BRCA2: variants seen among roughly 807,000 people sequenced by gnomAD.
The protein encoded by BRCA2 is BRCA2 DNA repair associated, also known as breast cancer type 2 susceptibility protein.
A neutral mutation model predicts 276.7 loss-of-function variants in BRCA2; 203 were observed. The ratio of observed to expected loss-of-function variants is 0.73; its 90% CI spans 0.65 to 0.82. The LOEUF (loss-of-function observed/expected upper bound fraction) is 0.82. Ranked by LOEUF, BRCA2 falls within the 40% of genes least tolerant of loss-of-function variation. BRCA2 has a pLI of 0.00. For missense variants in BRCA2, 3,920 were observed against 3,915.0 expected (o/e 1.00, Z -0.03); for synonymous variants, 1,289 against 1,338.4 (o/e 0.96, Z 0.81).
At chr13:32,376,549 G>A in intron 20 of BRCA2, 121 bp from the exon 21 acceptor site, 1 of 1,084,068 alleles carries the variant, frequency 9.2e-7, no homozygotes, top group Middle Eastern at 2.8e-4. Context: ...AAAACTTTTA[G>A]CAGTTATATA....
rs9590940 is a variant in BRCA2 at position 32,370,530 on chromosome 13, A to C, written c.8460A>C (p.Val2820=). ...GAGGAAATGTTGGTTGTGTTGATGT[A>C]ATTATTCAAAGAGCATACCCTATAC... ...SDGGNVGCVD[V]IIQRAYPIQW... Residue 2820 remains valine, a synonymous_variant, in exon 19 of 27, where the codon GTA becomes GTC. Coordinates refer to ENST00000380152, the MANE Select transcript of BRCA2 (RefSeq NM_000059.4). 2.1e-3 allele frequency: 3,465 copies of C among 1,613,722 alleles called. 65 individuals are homozygous for C. The African/African-American group carries it at 0.042, about 19-fold the overall frequency.
At position 32,371,124 on chromosome 13, in the gene BRCA2, A is replaced by G. The variant is rs81002851; in HGVS notation, c.8632+24A>G. 1.1e-5 allele frequency: 18 copies of G among 1,607,850 alleles called. No homozygotes were observed. The highest frequency in any genetic ancestry group is 1.4e-5 in the Non-Finnish European group (17 of 1,174,848). On this transcript the variant is annotated intron_variant, in intron 20 of 26. Coordinates refer to ENST00000380152, the MANE Select transcript of BRCA2 (RefSeq NM_000059.4). ...AGGTAAAATTAGTTATATGGTACAC[A>G]TTGTTATTTCTAATATGAGAACAAA...
rs55969723 is a variant in BRCA2, at chr13:32,338,542, A to G, written c.4187A>G (p.Gln1396Arg). ...ACTTTTTTGGAAGTTGCGAAAGCTC[A>G]AGAAGCATGTCATGGTAATACTTCA... ...DLTFLEVAKA[Q>R]EACHGNTSNK... Residue 1396 changes from glutamine to arginine, a missense_variant, in exon 11 of 27, where the codon CAA (glutamine) becomes CGA (arginine). By Grantham distance (43) the Gln-to-Arg change is conservative. This residue lies in a region of BRCA2 where 3,263 missense variants were observed against 3,156.9 expected (regional missense o/e 1.03). Coordinates refer to ENST00000380152, the MANE Select transcript of BRCA2 (RefSeq NM_000059.4). 2.9e-4 allele frequency: 459 copies of G among 1,603,724 alleles called. 2 individuals carry two copies. In the African/African-American group the frequency reaches 5.7e-3, roughly 20 times the overall value.
rs2137485057 is a variant in BRCA2 at position 32,336,643 on chromosome 13, A to G, written c.2288A>G (p.His763Arg). The change falls in exon 11 of 27, where the codon CAT becomes CGT. Residue 763 changes from histidine (H) to arginine (R), a missense_variant. His to Arg is a conservative substitution (Grantham distance 29). Around this residue, in one of 2 missense-constraint regions of BRCA2, gnomAD observed 3,263 missense variants for 3,156.9 expected, o/e 1.03. Transcript: ENST00000380152. ...TCCCAGAAAAGTCTTTTATATGATC[A>G]TGAAAATGCCAGCACTCTTATTTTA... is the stretch of plus-strand genomic sequence containing the variant. ...FQSQKSLLYD[H>R]ENASTLILTP... 6.2e-7 allele frequency: 1 copy of G among 1,614,056 alleles called. No homozygotes were observed. Among genetic ancestry groups the G allele is most frequent in the Non-Finnish European group, 8.5e-7 (1 of 1,179,942 alleles).
At position 32,354,173 on chromosome 13, in the gene BRCA2, GTT is replaced by G. The variant is rs1215524954; in HGVS notation, c.7008-686_7008-685del. Among the ~76,000 whole-genome samples the G allele has an allele frequency of 2.6e-5, 4 of 152,112 alleles. No homozygotes were observed. The East Asian group carries it at 7.7e-4, about 29-fold the overall frequency. ...CTATTAGGAAAGTTGAGTAGAATGA[GTT>G]TGCGTGCATCCCACATGCATCTGGG... On this transcript the variant is annotated intron_variant, in intron 13 of 26. Transcript: ENST00000380152.
rs2072446918 is a variant in BRCA2 at position 32,336,273 on chromosome 13, C to A, written c.1918C>A (p.His640Asn). 6.2e-7 allele frequency: 1 copy of A among 1,601,776 alleles called. No individual in the cohort carries two copies. Residue 640 changes from histidine (H) to asparagine (N), a missense_variant, in exon 11 of 27, where the codon CAT (histidine) becomes AAT (asparagine). By Grantham distance (68) the His-to-Asn change is moderately conservative. Around this residue, in one of 2 missense-constraint regions of BRCA2, gnomAD observed 3,263 missense variants for 3,156.9 expected, o/e 1.03. Transcript: ENST00000380152. ...TFANADSGLL[H>N]SSVKRSCSQN... ...TGTGTTTTTATGTTTAGGTTTATTGCATTCTTCTGTGAAAAGAAGCTGTTC... is the reference window on the plus strand; with the variant it reads ...TGTGTTTTTATGTTTAGGTTTATTGAATTCTTCTGTGAAAAGAAGCTGTTC...
In BRCA2 at chr13:32,333,233, GA is replaced by G; in HGVS notation, c.1759del (p.Thr587GlnfsTer27). ...CAGGTTTAATATCCACTTTGAAAAA[GA>G]AAACAAATAAGTTTATTTATGCTAT... is the stretch of plus-strand genomic sequence containing the variant. ...NAGLISTLKKKTNKFIYAIHD... is the reference protein window; with the variant it reads ...NAGLISTLKKXTNKFIYAIHD... On this transcript the variant is annotated frameshift_variant, in exon 10 of 27. Transcript: ENST00000380152. LOFTEE classifies it high-confidence loss of function. 1 of 1,612,350 alleles carries G rather than the reference GA, an allele frequency of 6.2e-7. No homozygotes were observed. The highest frequency in any genetic ancestry group is 8.5e-7 in the Non-Finnish European group (1 of 1,179,140).
intron 11 of BRCA2, among the ~76,000 whole-genome samples, chr13:32,342,913 G>T (rs915622132): frequency 2.0e-5 from 3 of 152,124 alleles, no homozygotes; most frequent in Admixed American, 1.3e-4. Context: ...GGGCATGGTG[G>T]TGGCACACGC....
At chr13:32,363,554 G>A (rs2137583230) in intron 18 of BRCA2, 21 bp downstream of exon 18, 1 of 1,593,926 alleles carries the variant, frequency 6.3e-7, no homozygotes, top group Non-Finnish European at 8.6e-7. Flanking sequence ...TTGCACTCTT[G>A]GTAAAAATCA....
rs369760319 is a variant in BRCA2 at position 32,372,857 on chromosome 13, A to G, written c.8632+1757A>G. 9.2e-5 allele frequency among the ~76,000 whole-genome samples: 14 copies of G among 152,340 alleles called. No individual in the cohort carries two copies. In the East Asian group the frequency reaches 2.7e-3, roughly 29 times the overall value. ...CCACCTATGAGCCTGTAAAATCAAA[A>G]GCAAATTCTTTACTTCCAAGATACA... On this transcript the variant is annotated intron_variant, in intron 20 of 26. Transcript: ENST00000380152.
intron 11 of BRCA2, 118 bp downstream of exon 11, chr13:32,341,314 G>T: frequency 3.4e-6 from 5 of 1,450,562 alleles, no homozygotes; most frequent in Non-Finnish European, 4.8e-6. Context: ...AGCCATTTTT[G>T]TGTAGTCAGT....
intron 24 of BRCA2, among the ~76,000 whole-genome samples, chr13:32,392,814 C>G (rs2073006473): frequency 6.6e-6 from 1 of 151,918 alleles, no homozygotes; most frequent in African/African-American, 2.4e-5. Context: ...GGTATTTTAC[C>G]CTGTTTCCCC....
Position 32,345,218 on chromosome 13 carries a change from T to C in BRCA2, c.6937+565T>C, listed in dbSNP as rs11571675. On this transcript the variant is annotated intron_variant, in intron 12 of 26. Coordinates refer to ENST00000380152, the MANE Select transcript of BRCA2 (RefSeq NM_000059.4). ...TACCCAAGTCTGAATAACTATAGTT[T>C]GTTGGTTATTCTTTCAAGTAAAAGG... Among the ~76,000 whole-genome samples the C allele has an allele frequency of 1.9e-3, 292 of 152,268 alleles. No individual in the cohort carries two copies. The highest frequency in any genetic ancestry group is 6.8e-3 in the Middle Eastern group (2 of 294).
Position 32,336,813 on chromosome 13 carries a change from G to T in BRCA2, c.2458G>T (p.Asp820Tyr). Residue 820 changes from aspartate to tyrosine, a missense_variant, in exon 11 of 27, where the codon GAT (aspartate) becomes TAT (tyrosine). By Grantham distance (160) the Asp-to-Tyr change is radical (BLOSUM62 -3). Transcript: ENST00000380152. Reference protein sequence around the residue: ...TKNIPMEKNQDVCALNENYKN... With the variant: ...TKNIPMEKNQYVCALNENYKN... Reference sequence around the variant, plus strand: ...AAATATTCCCATGGAAAAGAATCAAGATGTATGTGCTTTAAATGAAAATTA... The same window carrying T: ...AAATATTCCCATGGAAAAGAATCAATATGTATGTGCTTTAAATGAAAATTA... The T allele has an allele frequency of 6.2e-7, 1 of 1,606,568 alleles. No homozygotes were observed. Among genetic ancestry groups the T allele is most frequent in the Non-Finnish European group, 8.5e-7 (1 of 1,177,896 alleles).
At chr13:32,368,566 G>T (rs1325648941) in intron 18 of BRCA2, among the ~76,000 whole-genome samples, 1 of 149,774 alleles carries the variant, frequency 6.7e-6, no homozygotes, top group Admixed American at 6.7e-5. Flanking sequence ...AGTCTCTCTG[G>T]TTAGAGACTT....
chr13:32,344,700 G>A lies in BRCA2; in HGVS notation c.6937+47G>A, dbSNP rs1281724812. 3 of 1,333,796 alleles carry A rather than the reference G, an allele frequency of 2.2e-6. No homozygotes were observed. The highest frequency in any genetic ancestry group is 1.2e-5 in the South Asian group (1 of 83,804). The allele number at this position is 1,333,796 out of a possible 1,614,324, so 82.6% of individuals were successfully genotyped here. On this transcript the variant is annotated intron_variant, in intron 12 of 26. Coordinates refer to ENST00000380152, the MANE Select transcript of BRCA2 (RefSeq NM_000059.4). Reference sequence around the variant, plus strand: ...TATCTGTTCTCCCTCTATAGGTATGGTATATAATATTCTGACCTCAGGTGA... The same window carrying A: ...TATCTGTTCTCCCTCTATAGGTATGATATATAATATTCTGACCTCAGGTGA...
At chr13:32,372,029 G>A (rs2072838228) in intron 20 of BRCA2, among the ~76,000 whole-genome samples, 1 of 152,214 alleles carries the variant, frequency 6.6e-6, no homozygotes, top group South Asian at 2.1e-4. Context: ...GTTGGTGAAG[G>A]TTGGGGCAGT....
chr13:32,380,714 G>A (rs920427694), intron 24 of BRCA2, among the ~76,000 whole-genome samples: 2 of 151,688 alleles, frequency 1.3e-5, no homozygotes, highest in Admixed American at 6.6e-5. Flanking sequence ...CCAATTTTTT[G>A]TATTTTTAGT....
intron 13 of BRCA2, among the ~76,000 whole-genome samples, chr13:32,352,687 T>A (rs1311039372): frequency 6.6e-6 from 1 of 152,206 alleles, no homozygotes; most frequent in Non-Finnish European, 1.5e-5. Context: ...ATGTCATTTC[T>A]GATAAGTTGA....
Sources: gnomAD v4.1 joint callset for allele counts (sites outside exome capture counted in the v4.1 genomes callset) on GRCh38, gnomAD v4.1.1 for gene constraint, gnomAD v4.1.1 regional missense constraint, MANE v1.5 for transcripts, NCBI Gene and HGNC (gene_info 2026-07-23, HGNC 2026-07-21) for gene names.